The following PDS5A variants were observed in gnomAD, a reference collection of about 807,000 sequenced individuals.
PDS5A encodes sister chromatid cohesion protein PDS5 homolog A.
Under a neutral mutation model 167.1 loss-of-function variants are expected in PDS5A, and 42 were observed. That is an observed-to-expected ratio of 0.25 (90% CI 0.20 to 0.33). PDS5A has a LOEUF of 0.33. Ranked by LOEUF, PDS5A falls within the 10% of genes least tolerant of loss-of-function variation. The pLI, the probability that PDS5A is intolerant of heterozygous loss-of-function variation, is 1.00. For synonymous variants in PDS5A, 553 were observed against 554.6 expected (o/e 1.00, Z 0.04); for missense variants, 1,033 against 1,605.9 (o/e 0.64, Z 6.10).
At chr4:39,861,925 C>A (rs1238204306) in intron 26 of PDS5A, among the ~76,000 whole-genome samples, 1 of 152,078 alleles carries the variant, frequency 6.6e-6, no homozygotes, top group Non-Finnish European at 1.5e-5. Context: ...CATATTCAAA[C>A]CCTCTCAATA....
chr4:39,920,143 C>T lies in PDS5A; in HGVS notation c.735+176G>A, dbSNP rs544038952. 4.6e-5 allele frequency among the ~76,000 whole-genome samples: 7 copies of T among 152,200 alleles called. No homozygotes were observed. In the South Asian group the frequency reaches 1.5e-3, roughly 32 times the overall value. On this transcript the variant is annotated intron_variant, in intron 7 of 32. Coordinates refer to ENST00000303538, the MANE Select transcript of PDS5A (RefSeq NM_001100399.2). Reference sequence around the variant, plus strand: ...AGACGACTTTTCTTATAGTAATATCCACCCTTTAAAAACGTCATGAAACTT... The same window carrying T: ...AGACGACTTTTCTTATAGTAATATCTACCCTTTAAAAACGTCATGAAACTT...
intron 2 of PDS5A, among the ~76,000 whole-genome samples, chr4:39,943,123 T>TACAC (rs35361618): frequency 0.013 from 1,842 of 144,896 alleles, 17 homozygotes; most frequent in Middle Eastern, 0.021. Flanking sequence ...ACTATGCAAA[T>TACAC]ACACACACAC....
chr4:39,866,177 C>T lies in PDS5A; in HGVS notation c.2642+684G>A, dbSNP rs1006730997. Among the ~76,000 whole-genome samples the T allele has an allele frequency of 5.9e-5, 9 of 152,156 alleles. No homozygotes were observed. In the East Asian group the frequency reaches 1.2e-3, roughly 20 times the overall value. ...TTGCCCAGGCTGGAGTGCGGTGGCACGATCTCAGCTCACTGCAACCTCTGC... is the reference window on the plus strand; with the variant it reads ...TTGCCCAGGCTGGAGTGCGGTGGCATGATCTCAGCTCACTGCAACCTCTGC... On this transcript the variant is annotated intron_variant, in intron 23 of 32. Coordinates refer to ENST00000303538, the MANE Select transcript of PDS5A (RefSeq NM_001100399.2).
chr4:39,859,885 C>T (rs986309106), intron 26 of PDS5A, among the ~76,000 whole-genome samples: 2 of 152,206 alleles, frequency 1.3e-5, no homozygotes, highest in African/African-American at 4.8e-5. Flanking sequence ...CTGGTGACTA[C>T]TCACTGCTCC....
rs956540845 is a variant in PDS5A, at chr4:39,977,812, C to G, written c.-396G>C. 2.0e-5 allele frequency: 3 copies of G among 149,582 alleles called. No homozygotes were observed. Among genetic ancestry groups the G allele is most frequent in the African/African-American group, 7.3e-5 (3 of 41,172 alleles). The allele number at this position is 149,582 out of a possible 1,614,324, so 9.3% of individuals were successfully genotyped here. ...CCGGCCCGGACCGCCGACTCGGACC[C>G]GGACGCCCCTCGCAGAGGCGCGCGC... On this transcript the variant is annotated 5_prime_UTR_variant, in exon 1 of 33. Transcript: ENST00000303538. The surrounding 1 kb of genome is among the most constrained non-coding windows in gnomAD (Gnocchi z 4.2).
chr4:39,854,577 CT>C (rs1351962404), intron 26 of PDS5A, among the ~76,000 whole-genome samples: 1 of 152,106 alleles, frequency 6.6e-6, no homozygotes, highest in African/African-American at 2.4e-5. Context: ...TTTCTTCCTC[CT>C]CTTTTTAACT....
Position 39,874,114 on chromosome 4 carries a change from C to G in PDS5A, c.2277+175G>C, listed in dbSNP as rs79005833. Reference sequence around the variant, plus strand: ...GTGTTTGAACATATAATCTGATCTACAGGCTGGGAATGCAGTACCACATAA... The same window carrying G: ...GTGTTTGAACATATAATCTGATCTAGAGGCTGGGAATGCAGTACCACATAA... On this transcript the variant is annotated intron_variant, in intron 20 of 32. Transcript: ENST00000303538. Among the ~76,000 whole-genome samples, 675 of 152,238 alleles carry G rather than the reference C, an allele frequency of 4.4e-3. 8 individuals are homozygous for G. Among genetic ancestry groups the G allele is most frequent in the African/African-American group, 0.015 (639 of 41,542 alleles).
At chr4:39,838,464 G>A (rs1360847453) in intron 31 of PDS5A, among the ~76,000 whole-genome samples, 2 of 152,232 alleles carry the variant, frequency 1.3e-5, no homozygotes, top group Non-Finnish European at 2.9e-5. Flanking sequence ...GCTCACGCCT[G>A]TAATCGCAGC....
chr4:39,975,926 C>T (rs1191955015), intron 2 of PDS5A, among the ~76,000 whole-genome samples: 1 of 152,168 alleles, frequency 6.6e-6, no homozygotes, highest in African/African-American at 2.4e-5. Context: ...CTCTTAAACT[C>T]CTTTGAACGT....
intron 16 of PDS5A, among the ~76,000 whole-genome samples, chr4:39,892,017 G>T (rs886289282): frequency 2.0e-5 from 3 of 152,036 alleles, no homozygotes; most frequent in Non-Finnish European, 2.9e-5. Flanking sequence ...AGGCTGAGGT[G>T]GGGGGGATCA....
chr4:39,828,856 T>G (rs1200641667), intron 32 of PDS5A, among the ~76,000 whole-genome samples: 1 of 152,082 alleles, frequency 6.6e-6, no homozygotes. Context: ...AATGATCATC[T>G]AGGAAGTGAA....
intron 11 of PDS5A, among the ~76,000 whole-genome samples, chr4:39,905,972 A>G (rs563733501): frequency 1.3e-4 from 19 of 151,302 alleles, no homozygotes; most frequent in Non-Finnish European, 2.1e-4. Flanking sequence ...ATTAGATAAC[A>G]AGAGGTGCTT....
chr4:39,863,312 G>T, intron 24 of PDS5A, 24 bp downstream of exon 24: 1 of 1,543,648 alleles, frequency 6.5e-7, no homozygotes, highest in South Asian at 1.2e-5. Context: ...ATAAGTAATT[G>T]ACAAAAATAA....
chr4:39,971,129 G>A (rs1251092222), intron 2 of PDS5A, among the ~76,000 whole-genome samples: 1 of 149,912 alleles, frequency 6.7e-6, no homozygotes, highest in Non-Finnish European at 1.5e-5. Context: ...GAATTCCTTT[G>A]TAATTGCCTT....
At chr4:39,964,436 G>T (rs1330688617) in intron 2 of PDS5A, among the ~76,000 whole-genome samples, 1 of 152,210 alleles carries the variant, frequency 6.6e-6, no homozygotes, top group Non-Finnish European at 1.5e-5. Context: ...AGACTCAGAG[G>T]CTTATGCCTA....
chr4:39,875,401 C>A (rs939645933), intron 19 of PDS5A, among the ~76,000 whole-genome samples: 2 of 151,838 alleles, frequency 1.3e-5, no homozygotes, highest in African/African-American at 4.8e-5. Flanking sequence ...TTTTTATAAT[C>A]AGAATAAAAT....
intron 17 of PDS5A, among the ~76,000 whole-genome samples, chr4:39,887,175 T>C (rs1721548561): frequency 6.6e-6 from 1 of 152,204 alleles, no homozygotes; most frequent in Admixed American, 6.5e-5. Flanking sequence ...AGAAGTGGCT[T>C]CCATATCTTA....
intron 32 of PDS5A, among the ~76,000 whole-genome samples, chr4:39,830,966 T>C (rs746346967): frequency 3.3e-5 from 5 of 152,280 alleles, no homozygotes; most frequent in Non-Finnish European, 5.9e-5. Flanking sequence ...CCGGGCGCAA[T>C]GGCTCACGCC....
intron 2 of PDS5A, among the ~76,000 whole-genome samples, chr4:39,939,077 A>G (rs7679785): frequency 0.044 from 6,641 of 152,190 alleles, 459 homozygotes; most frequent in African/African-American, 0.15. Context: ...GTAAAACTAG[A>G]AAAAAGCCAG....
Sources: allele counts gnomAD v4.1 joint callset (sites outside exome capture counted in the v4.1 genomes callset), GRCh38; gene constraint gnomAD v4.1.1; non-coding constraint Gnocchi (gnomAD v3.1); transcripts MANE v1.5; gene names NCBI Gene and HGNC (gene_info 2026-07-23, HGNC 2026-07-21).